CLVS1: variants seen among roughly 807,000 people sequenced by gnomAD.
The protein encoded by CLVS1 is clavesin 1.
A neutral mutation model predicts 33.1 loss-of-function variants in CLVS1; 10 were observed. The ratio of observed to expected loss-of-function variants is 0.30; its 90% CI spans 0.19 to 0.51. The LOEUF is 0.51. Ranked by LOEUF, CLVS1 falls within the 20% of genes least tolerant of loss-of-function variation. The pLI is 0.97. For synonymous variants in CLVS1, 163 were observed against 166.1 expected (o/e 0.98, Z 0.14); for missense variants, 343 against 433.4 (o/e 0.79, Z 1.85).
chr8:61,271,389 ATAAT>A (rs1362341057), intron 2 of CLVS1, among the ~76,000 whole-genome samples: 1 of 149,864 alleles, frequency 6.7e-6, no homozygotes, highest in Non-Finnish European at 1.5e-5. Flanking sequence ...ATAGTTTGTT[ATAAT>A]TTCTGTTCTT....
At position 61,088,130 on chromosome 8, in the gene CLVS1, TGAAGCATGCA is replaced by T. The variant is rs539787160; in HGVS notation, c.-243+30903_-243+30912del. ...GTGTGCTTCACTGATTCATCCATAT[TGAAGCATGCA>T]GATATATTTGTTTGTTATCTACTGC... On this transcript the variant is annotated intron_variant, in intron 1 of 2. Transcript: ENST00000522621. Among the ~76,000 whole-genome samples, 7 of 152,344 alleles carry T rather than the reference TGAAGCATGCA, an allele frequency of 4.6e-5. No individual in the cohort carries two copies. The South Asian group carries it at 1.2e-3, about 27-fold the overall frequency.
At chr8:61,195,044 C>T (rs750195481) in intron 2 of CLVS1, among the ~76,000 whole-genome samples, 5 of 151,662 alleles carry the variant, frequency 3.3e-5, no homozygotes, top group Non-Finnish European at 7.4e-5. Flanking sequence ...TATATCAAAA[C>T]ATGCGGGATA....
chr8:61,499,162 T>C (rs1804430063), intron 5 of CLVS1, among the ~76,000 whole-genome samples: 1 of 152,084 alleles, frequency 6.6e-6, no homozygotes, highest in Admixed American at 6.5e-5. Flanking sequence ...TATGTAGTTA[T>C]TTTGAGTGTC....
At chr8:61,185,911 C>A (rs191634073) in intron 2 of CLVS1, among the ~76,000 whole-genome samples, 1 of 152,144 alleles carries the variant, frequency 6.6e-6, no homozygotes, top group South Asian at 2.1e-4. Flanking sequence ...AAATGTTAGC[C>A]GTTGGTATTA....
intron 2 of CLVS1, among the ~76,000 whole-genome samples, chr8:61,373,073 C>CATAATAA (rs1813503093): frequency 6.6e-6 from 1 of 152,116 alleles, no homozygotes; most frequent in Non-Finnish European, 1.5e-5. Flanking sequence ...GGTGGAGTAT[C>CATAATAA]TACATAAATT....
chr8:61,037,049 T>TAAA, the CLVS1 span, among the ~76,000 whole-genome samples: 1 of 152,208 alleles, frequency 6.6e-6, no homozygotes, highest in Non-Finnish European at 1.5e-5. Flanking sequence ...ACATTTTCAG[T>TAAA]ATTTCTACAT....
At chr8:61,178,207 G>A (rs1388948737) in intron 2 of CLVS1, among the ~76,000 whole-genome samples, 1 of 152,124 alleles carries the variant, frequency 6.6e-6, no homozygotes, top group Non-Finnish European at 1.5e-5. Context: ...GCATACGCAA[G>A]TATCAATAGC....
chr8:61,190,437 GACACCCTA>G (rs1415115916), intron 2 of CLVS1, among the ~76,000 whole-genome samples: 1 of 152,118 alleles, frequency 6.6e-6, no homozygotes, highest in Non-Finnish European at 1.5e-5. Context: ...ATCTAAAATT[GACACCCTA>G]ACATCACAAT....
chr8:61,353,212 A>G (rs972592596), intron 2 of CLVS1, among the ~76,000 whole-genome samples: 16 of 152,046 alleles, frequency 1.1e-4, no homozygotes, highest in African/African-American at 3.9e-4. Flanking sequence ...ATTGACATTT[A>G]TAGAACACAT....
At chr8:61,440,249 C>T (rs1475616746) in intron 3 of CLVS1, among the ~76,000 whole-genome samples, 3 of 152,132 alleles carry the variant, frequency 2.0e-5, no homozygotes, top group Non-Finnish European at 4.4e-5. Context: ...ATAATAGAAC[C>T]TCTATAATGT....
intron 2 of CLVS1, among the ~76,000 whole-genome samples, chr8:61,239,234 T>C (rs142379312): frequency 0.015 from 2,331 of 152,334 alleles, 31 homozygotes; most frequent in Non-Finnish European, 0.023. Context: ...AATGTACTAT[T>C]GCCCCCTAGG....
At chr8:61,372,402 T>C (rs1013101196) in intron 2 of CLVS1, among the ~76,000 whole-genome samples, 21 of 152,188 alleles carry the variant, frequency 1.4e-4, no homozygotes, top group African/African-American at 4.6e-4. Context: ...CATTTATTTT[T>C]TAAAAATAAA....
intron 2 of CLVS1, among the ~76,000 whole-genome samples, chr8:61,329,568 C>A (rs1811516441): frequency 6.6e-6 from 1 of 152,084 alleles, no homozygotes; most frequent in African/African-American, 2.4e-5. Flanking sequence ...ATGGATGCCC[C>A]AATTACCTTG....
At chr8:61,401,959 C>T (rs1264464492) in intron 3 of CLVS1, among the ~76,000 whole-genome samples, 1 of 152,064 alleles carries the variant, frequency 6.6e-6, no homozygotes, top group East Asian at 1.9e-4. Context: ...ACTTACTGCT[C>T]TGCATTGTTG....
intron 2 of CLVS1, among the ~76,000 whole-genome samples, chr8:61,273,700 G>A (rs1049312906): frequency 6.6e-5 from 10 of 152,234 alleles, no homozygotes; most frequent in African/African-American, 1.7e-4. Context: ...GTGGTGCGCC[G>A]TGTTTTAAGC....
chr8:61,138,781 G>A (rs1806243577), intron 2 of CLVS1, among the ~76,000 whole-genome samples: 1 of 152,160 alleles, frequency 6.6e-6, no homozygotes, highest in Non-Finnish European at 1.5e-5. Context: ...CATAGAGCTG[G>A]GCGTCACATC....
intron 2 of CLVS1, among the ~76,000 whole-genome samples, chr8:61,158,375 A>T (rs1408762311): frequency 1.3e-5 from 2 of 152,176 alleles, no homozygotes; most frequent in African/African-American, 4.8e-5. Flanking sequence ...TCACCATTTG[A>T]TGTGTACGTG....
the CLVS1 span, among the ~76,000 whole-genome samples, chr8:61,050,103 T>G: frequency 6.6e-6 from 1 of 152,258 alleles, no homozygotes; most frequent in African/African-American, 2.4e-5. Flanking sequence ...GAGTCTGATT[T>G]AAGCACCCTT....
chr8:61,487,813 T>C (rs1266884723), intron 5 of CLVS1, among the ~76,000 whole-genome samples: 1 of 152,230 alleles, frequency 6.6e-6, no homozygotes, highest in Non-Finnish European at 1.5e-5. Flanking sequence ...TGAAACCTAC[T>C]TTTTACCGGT....
Sources: gnomAD v4.1 joint callset for allele counts (sites outside exome capture counted in the v4.1 genomes callset) on GRCh38, gnomAD v4.1.1 for gene constraint, MANE v1.5 for transcripts, NCBI Gene and HGNC (gene_info 2026-07-23, HGNC 2026-07-21) for gene names.